DIP2C: variants seen among roughly 807,000 people sequenced by gnomAD.
The protein encoded by DIP2C is disco-interacting protein 2 homolog C.
Under a neutral mutation model 192.4 loss-of-function variants are expected in DIP2C, and 33 were observed. The observed-to-expected ratio is 0.17, with a 90% CI of 0.13 to 0.23. The LOEUF (loss-of-function observed/expected upper bound fraction) is 0.23. Among genes scored for constraint, DIP2C ranks in the 10% least tolerant of loss-of-function variants. The pLI, the probability that DIP2C is intolerant of heterozygous loss-of-function variation, is 1.00. For missense variants in DIP2C, 1,537 were observed against 2,110.1 expected (o/e 0.73, Z 5.32); for synonymous variants, 979 against 864.1 (o/e 1.13, Z -2.33).
At chr10:447,639 A>T (rs926054311) in intron 3 of DIP2C, among the ~76,000 whole-genome samples, 1 of 141,914 alleles carries the variant, frequency 7.0e-6, no homozygotes, top group Admixed American at 6.7e-5. Flanking sequence ...TCAGGATCAC[A>T]CACAGTGGGG....
intron 1 of DIP2C, chr10:650,402 C>A: frequency 1.4e-6 from 1 of 716,034 alleles, no homozygotes. Context: ...CGCCCCAGAC[C>A]AACACGAGAA....
At chr10:515,424 A>C (rs566452147) in intron 1 of DIP2C, among the ~76,000 whole-genome samples, 1 of 152,310 alleles carries the variant, frequency 6.6e-6, no homozygotes, top group South Asian at 2.1e-4. Flanking sequence ...AGGCAGATTT[A>C]AAAGATGTCA....
At chr10:567,592 T>G (rs1474389362) in intron 1 of DIP2C, among the ~76,000 whole-genome samples, 1 of 152,116 alleles carries the variant, frequency 6.6e-6, no homozygotes, top group Non-Finnish European at 1.5e-5. Flanking sequence ...AAACAAACAT[T>G]CTCTCCTCTG....
intron 1 of DIP2C, among the ~76,000 whole-genome samples, chr10:590,600 T>C (rs752408550): frequency 6.6e-6 from 1 of 152,362 alleles, no homozygotes; most frequent in East Asian, 1.9e-4. Flanking sequence ...ACCCTGACCA[T>C]GCCAGATGAG....
rs1853754342 is a variant in DIP2C, at chr10:619,955, C to A, written c.85+69539G>T. Among the ~76,000 whole-genome samples, 3 of 152,172 alleles carry A rather than the reference C, an allele frequency of 2.0e-5. No homozygotes were observed. In the South Asian group the frequency reaches 6.2e-4, roughly 32 times the overall value. On this transcript the variant is annotated intron_variant, in intron 1 of 36. Transcript: ENST00000280886. Reference sequence around the variant, plus strand: ...TGCACGTGGCAAGTGCACGGGGTGGCCACCCCTTCAGCCCAGCTGGCTGCA... The same window carrying A: ...TGCACGTGGCAAGTGCACGGGGTGGACACCCCTTCAGCCCAGCTGGCTGCA...
At chr10:494,366 G>A (rs753559877) in intron 1 of DIP2C, among the ~76,000 whole-genome samples, 6 of 151,698 alleles carry the variant, frequency 4.0e-5, no homozygotes, top group South Asian at 4.2e-4. Flanking sequence ...CCTCAGCACC[G>A]GGGCCAACAG....
intron 1 of DIP2C, among the ~76,000 whole-genome samples, chr10:536,400 T>C (rs1373295959): frequency 1.3e-5 from 2 of 152,174 alleles, no homozygotes; most frequent in East Asian, 1.9e-4. Context: ...GAGTTGTATC[T>C]ATCTGCAAAG....
At chr10:376,307 C>T (rs1265142325) in intron 17 of DIP2C, among the ~76,000 whole-genome samples, 1 of 151,750 alleles carries the variant, frequency 6.6e-6, no homozygotes, top group East Asian at 1.9e-4. Context: ...CCGACGGAGC[C>T]GGCAGGGAGA....
intron 36 of DIP2C, among the ~76,000 whole-genome samples, chr10:279,724 C>T (rs1954712325): frequency 6.6e-6 from 1 of 152,194 alleles, no homozygotes; most frequent in Non-Finnish European, 1.5e-5. Context: ...TTCAAAAGTC[C>T]ACTCAAAGGA....
Position 277,553 on chromosome 10 carries a change from C to T in DIP2C, c.4443G>A (p.Leu1481=). 3.1e-6 allele frequency: 5 copies of T among 1,614,096 alleles called. No individual in the cohort carries two copies. Among genetic ancestry groups the T allele is most frequent in the Non-Finnish European group, 4.2e-6 (5 of 1,180,042 alleles). ...TECAVFTWTN[L]LVVVVELDGS... Reference sequence around the variant, plus strand: ...CATCCAGCTCAACCACAACCACCAACAAATTTGTCCAGGTAAACACAGCAC... The same window carrying T: ...CATCCAGCTCAACCACAACCACCAATAAATTTGTCCAGGTAAACACAGCAC... The change falls in exon 37 of 37, where the codon TTG becomes TTA. Residue 1481 remains leucine, a synonymous_variant. Transcript: ENST00000280886.
At chr10:428,227 A>T (rs1966722781) in intron 4 of DIP2C, among the ~76,000 whole-genome samples, 1 of 152,210 alleles carries the variant, frequency 6.6e-6, no homozygotes. Flanking sequence ...ATGATTTTAT[A>T]TTCCAGAAAA....
intron 1 of DIP2C, among the ~76,000 whole-genome samples, chr10:633,186 T>C (rs74115100): frequency 0.095 from 14,498 of 152,300 alleles, 937 homozygotes; most frequent in African/African-American, 0.18. Context: ...ATGACCAGGA[T>C]TTCAGCAGCT....
intron 3 of DIP2C, among the ~76,000 whole-genome samples, chr10:446,775 G>C (rs764041000): frequency 1.3e-5 from 2 of 152,230 alleles, no homozygotes; most frequent in African/African-American, 4.8e-5. Context: ...CAGGAAATTC[G>C]TATAACGACT....
At chr10:334,616 G>A (rs1014167992) in intron 29 of DIP2C, among the ~76,000 whole-genome samples, 1 of 152,166 alleles carries the variant, frequency 6.6e-6, no homozygotes, top group Non-Finnish European at 1.5e-5. Context: ...ATATGACGTT[G>A]AGTCAAGGTT....
chr10:549,737 T>TCTTG (rs904696346), intron 1 of DIP2C, among the ~76,000 whole-genome samples: 1 of 152,154 alleles, frequency 6.6e-6, no homozygotes, highest in African/African-American at 2.4e-5. Context: ...TACTCCCGAT[T>TCTTG]CTTGCCCTGA....
At chr10:399,505 A>G (rs1964246257) in intron 9 of DIP2C, among the ~76,000 whole-genome samples, 1 of 152,190 alleles carries the variant, frequency 6.6e-6, no homozygotes, top group African/African-American at 2.4e-5. Flanking sequence ...AGATGAAGTT[A>G]TATCCTACTG....
chr10:404,569 C>T (rs554696073), intron 9 of DIP2C, among the ~76,000 whole-genome samples: 6 of 152,242 alleles, frequency 3.9e-5, no homozygotes, highest in Admixed American at 3.3e-4. Context: ...AATTTCATCA[C>T]GAACAGTTTT....
intron 1 of DIP2C, chr10:663,231 A>C: frequency 3.3e-6 from 1 of 305,962 alleles, no homozygotes. Flanking sequence ...TGCCAACTAA[A>C]TGAATAGAAA....
rs190862641 is a variant in DIP2C at position 670,009 on chromosome 10, C to T, written c.85+19485G>A. Among the ~76,000 whole-genome samples, 3 of 152,202 alleles carry T rather than the reference C, an allele frequency of 2.0e-5. No individual in the cohort carries two copies. The East Asian group carries it at 5.8e-4, about 29-fold the overall frequency. Reference sequence around the variant, plus strand: ...GCTACCCATTTTCTGACTGAGGAAACGGAAAGTTGTCACTGCCTAACAGCA... The same window carrying T: ...GCTACCCATTTTCTGACTGAGGAAATGGAAAGTTGTCACTGCCTAACAGCA... On this transcript the variant is annotated intron_variant, in intron 1 of 36. Transcript: ENST00000280886.
Sources: allele counts gnomAD v4.1 joint callset (sites outside exome capture counted in the v4.1 genomes callset), GRCh38; gene constraint gnomAD v4.1.1; transcripts MANE v1.5; gene names NCBI Gene and HGNC (gene_info 2026-07-23, HGNC 2026-07-21).